HMGB1: variants seen among roughly 807,000 people sequenced by gnomAD.
HMGB1 encodes high mobility group protein B1.
For missense variants in HMGB1, 79 were observed against 253.5 expected, an observed-to-expected ratio of 0.31 and a Z score of 4.67; for synonymous variants, 81 against 84.0, an observed-to-expected ratio of 0.96 and a Z score of 0.19.
chr13:30,482,276 C>G (rs1053131897), intron 1 of HMGB1, among the ~76,000 whole-genome samples: 2 of 152,126 alleles, frequency 1.3e-5, no homozygotes, highest in African/African-American at 4.8e-5. Context: ...TTTCTCTTCC[C>G]TTCTCTCATT....
intron 1 of HMGB1, among the ~76,000 whole-genome samples, chr13:30,589,157 C>T (rs1871274761): frequency 6.6e-6 from 1 of 151,802 alleles, no homozygotes; most frequent in Non-Finnish European, 1.5e-5. Context: ...AGGCATGTGC[C>T]ATCATGCTCA....
At chr13:30,555,039 T>TTC (rs1223348058) in intron 1 of HMGB1, among the ~76,000 whole-genome samples, 4 of 132,702 alleles carry the variant, frequency 3.0e-5, no homozygotes, top group African/African-American at 1.1e-4. Context: ...TTGTGTTTTT[T>TTC]TTTTTTTTTT....
chr13:30,456,929 C>A lies in HMGB1; in HGVS notation c.*4428G>T, dbSNP rs933627607. ...CTGTTAAACAGCAAAAAATAGGAAA[C>A]AATCTAAATGTCCATCAGTAAGGGA... On this transcript the variant is annotated 3_prime_UTR_variant, in exon 5 of 5. Coordinates refer to ENST00000341423, the MANE Select transcript of HMGB1 (RefSeq NM_002128.7). The A allele has an allele frequency of 1.3e-5, 2 of 151,852 alleles. No individual in the cohort carries two copies. The highest frequency in any genetic ancestry group is 4.8e-5 in the African/African-American group (2 of 41,308). 9.4% of individuals were successfully genotyped at this position (151,852 alleles called of 1,614,324 possible). A position where few individuals can be genotyped will look rare whatever the true frequency, so the allele number is the denominator to read the frequency against.
chr13:30,474,759 C>CTTTT (rs549499620), intron 1 of HMGB1, among the ~76,000 whole-genome samples: 10,178 of 92,304 alleles, frequency 0.11, 1,212 homozygotes, highest in East Asian at 0.25. Context: ...TCTCTCTCTC[C>CTTTT]TTTTTTTTTT....
At chr13:30,555,363 A>C (rs1869642762) in intron 1 of HMGB1, among the ~76,000 whole-genome samples, 1 of 152,118 alleles carries the variant, frequency 6.6e-6, no homozygotes, top group Non-Finnish European at 1.5e-5. Flanking sequence ...TAATGGGTGT[A>C]TGAAACGTAG....
At chr13:30,538,502 C>A (rs1169756756) in intron 1 of HMGB1, among the ~76,000 whole-genome samples, 12 of 122,716 alleles carry the variant, frequency 9.8e-5, no homozygotes, top group African/African-American at 4.5e-4. Context: ...TTCTTTCTTT[C>A]TTTCTTTCCT....
At chr13:30,584,018 A>G (rs889090195) in intron 1 of HMGB1, among the ~76,000 whole-genome samples, 1 of 152,020 alleles carries the variant, frequency 6.6e-6, no homozygotes, top group Non-Finnish European at 1.5e-5. Flanking sequence ...AGAGAAAAGA[A>G]AAGAATGAAT....
chr13:30,600,628 C>T lies in HMGB1; in HGVS notation c.-15+16043G>A, dbSNP rs77512595. Among the ~76,000 whole-genome samples, 730 of 151,856 alleles carry T rather than the reference C, an allele frequency of 4.8e-3. 2 individuals carry two copies. The highest frequency in any genetic ancestry group is 7.8e-3 in the Non-Finnish European group (528 of 67,942). On this transcript the variant is annotated intron_variant, in intron 1 of 4. Transcript: ENST00000405805. ...ATCTGAAGCTTTTTTTTTCCTGAGACGGAGTTTTGCTCTTGTTGACCAGGC... is the reference window on the plus strand; with the variant it reads ...ATCTGAAGCTTTTTTTTTCCTGAGATGGAGTTTTGCTCTTGTTGACCAGGC...
chr13:30,532,435 T>A (rs1888517725), intron 1 of HMGB1, among the ~76,000 whole-genome samples: 1 of 152,134 alleles, frequency 6.6e-6, no homozygotes, highest in Non-Finnish European at 1.5e-5. Flanking sequence ...CTAGGTATAC[T>A]TCATTCTTTT....
chr13:30,504,175 G>A (rs1378563167), intron 1 of HMGB1, among the ~76,000 whole-genome samples: 2 of 152,136 alleles, frequency 1.3e-5, no homozygotes, highest in Admixed American at 6.5e-5. Context: ...GGAATGAGAT[G>A]GGTTGGGCCT....
intron 1 of HMGB1, among the ~76,000 whole-genome samples, chr13:30,499,085 T>C (rs1887679918): frequency 6.6e-6 from 1 of 152,046 alleles, no homozygotes; most frequent in Admixed American, 6.6e-5. Context: ...CCTAAGTAGC[T>C]GGGATTACAG....
At chr13:30,564,314 T>C (rs925759248) in intron 1 of HMGB1, among the ~76,000 whole-genome samples, 1 of 149,188 alleles carries the variant, frequency 6.7e-6, no homozygotes, top group East Asian at 2.0e-4. Context: ...TAGCTGGGTT[T>C]TGGTGGCTTA....
At chr13:30,465,742 G>A in intron 1 of HMGB1, 54 bp downstream of exon 1, 1 of 957,486 alleles carries the variant, frequency 1.0e-6, no homozygotes, top group Non-Finnish European at 1.2e-6. Context: ...CCGCCGCGCG[G>A]GCTGGGGAGC....
chr13:30,493,111 C>T (rs1566004944), intron 1 of HMGB1, among the ~76,000 whole-genome samples: 1 of 151,218 alleles, frequency 6.6e-6, no homozygotes, highest in Non-Finnish European at 1.5e-5. Context: ...AAGACTTGTA[C>T]AGCAATGTTC....
At chr13:30,511,397 AC>A (rs1887989599) in intron 1 of HMGB1, among the ~76,000 whole-genome samples, 1 of 151,650 alleles carries the variant, frequency 6.6e-6, no homozygotes, top group African/African-American at 2.4e-5. Context: ...GGAGCCTGGC[AC>A]CTCCTCATCT....
intron 1 of HMGB1, among the ~76,000 whole-genome samples, chr13:30,569,748 G>T (rs56195714): frequency 3.3e-5 from 5 of 152,300 alleles, no homozygotes; most frequent in African/African-American, 1.2e-4. Flanking sequence ...ATAAAGAGCA[G>T]AAGTATAAGT....
chr13:30,462,309 A>C, intron 4 of HMGB1: 1 of 543,842 alleles, frequency 1.8e-6, no homozygotes, highest in Non-Finnish European at 3.3e-6. Flanking sequence ...ATACTGGGGA[A>C]TAACAAAACC....
intron 1 of HMGB1, among the ~76,000 whole-genome samples, chr13:30,565,458 T>C (rs936098978): frequency 3.3e-5 from 5 of 152,166 alleles, no homozygotes; most frequent in African/African-American, 1.2e-4. Flanking sequence ...CTGTCATGCT[T>C]ATAGGTAACC....
At chr13:30,515,056 T>A (rs1888073299) in intron 1 of HMGB1, among the ~76,000 whole-genome samples, 1 of 152,192 alleles carries the variant, frequency 6.6e-6, no homozygotes, top group African/African-American at 2.4e-5. Context: ...TACTAAATCA[T>A]TAAAAGCAGA....
Sources: allele counts gnomAD v4.1 joint callset (sites outside exome capture counted in the v4.1 genomes callset), GRCh38; gene constraint gnomAD v4.1.1; transcripts MANE v1.5; gene names NCBI Gene and HGNC (gene_info 2026-07-23, HGNC 2026-07-21).